SAXO1: variants seen among roughly 807,000 people sequenced by gnomAD.
The protein encoded by SAXO1 is 4930500O09Rik.
In SAXO1, 21 loss-of-function variants were observed where a neutral mutation model predicts 17.5. That is an observed-to-expected ratio of 1.20 (90% CI 0.85 to 1.72). The LOEUF is 1.72. SAXO1 is among the 40% of genes most tolerant of loss of function. SAXO1 has a pLI of 0.00. For missense variants in SAXO1, 843 were observed against 596.0 expected, an observed-to-expected ratio of 1.41 and a Z score of -4.32; for synonymous variants, 274 against 216.5, an observed-to-expected ratio of 1.27 and a Z score of -2.33.
upstream of SAXO1, among the ~76,000 whole-genome samples, chr9:19,034,194 C>T (rs1406969400): frequency 6.6e-6 from 1 of 152,176 alleles, no homozygotes; most frequent in African/African-American, 2.4e-5. Context: ...CTAACTCTTT[C>T]CATTCATTTT....
Position 19,000,794 on chromosome 9 carries a change from T to C in SAXO1, c.38+32077A>G, listed in dbSNP as rs555437745. On this transcript the variant is annotated intron_variant, in intron 1 of 3. Coordinates refer to ENST00000380534, the MANE Select transcript of SAXO1 (RefSeq NM_153707.4). ...AAAAGCAGGGGTTGCAATCCTGGTC[T>C]CTGATAAAACAGACTTTAAACCAAC... Among the ~76,000 whole-genome samples the C allele has an allele frequency of 1.8e-3, 271 of 152,332 alleles. 1 individual carries two copies. The highest frequency in any genetic ancestry group is 6.3e-3 in the African/African-American group (264 of 41,578).
At chr9:19,021,129 A>G (rs971591774) in intron 1 of SAXO1, among the ~76,000 whole-genome samples, 12 of 152,346 alleles carry the variant, frequency 7.9e-5, no homozygotes, top group Admixed American at 2.6e-4. Context: ...ATTAGACCAC[A>G]GGAGACAGCC....
intron 1 of SAXO1, among the ~76,000 whole-genome samples, chr9:19,039,103 C>T (rs1836014654): frequency 1.3e-5 from 2 of 151,708 alleles, no homozygotes; most frequent in African/African-American, 4.8e-5. Flanking sequence ...CCACTGCACT[C>T]CAGCCTGGGC....
At chr9:19,040,793 G>A (rs558471621) in intron 1 of SAXO1, among the ~76,000 whole-genome samples, 1 of 152,272 alleles carries the variant, frequency 6.6e-6, no homozygotes, top group East Asian at 1.9e-4. Flanking sequence ...CAGGGTAGAA[G>A]CAGAGATCAA....
chr9:18,978,296 A>G (rs571045162), intron 1 of SAXO1, among the ~76,000 whole-genome samples: 1 of 152,140 alleles, frequency 6.6e-6, no homozygotes, highest in Admixed American at 6.5e-5. Context: ...ACGCTTCCCA[A>G]AGCTCAACCT....
intron 1 of SAXO1, among the ~76,000 whole-genome samples, chr9:18,969,058 G>GTT (rs4007662): frequency 9.5e-5 from 14 of 147,484 alleles, no homozygotes; most frequent in African/African-American, 2.7e-4. Context: ...TCTTTTTGCA[G>GTT]TTTTTTTTTT....
intron 3 of SAXO1, among the ~76,000 whole-genome samples, chr9:18,937,496 A>C (rs768883631): frequency 6.6e-6 from 1 of 152,158 alleles, no homozygotes; most frequent in Non-Finnish European, 1.5e-5. Flanking sequence ...GAACAAACAA[A>C]CCACTTCAAT....
chr9:18,965,764 T>G (rs1415419953), intron 1 of SAXO1, among the ~76,000 whole-genome samples: 1 of 152,218 alleles, frequency 6.6e-6, no homozygotes, highest in Non-Finnish European at 1.5e-5. Context: ...AATATTGTTA[T>G]GTGTGAATTT....
chr9:18,951,341 G>T (rs1222270826), intron 1 of SAXO1, among the ~76,000 whole-genome samples: 1 of 152,124 alleles, frequency 6.6e-6, no homozygotes, highest in Non-Finnish European at 1.5e-5. Flanking sequence ...ACCTAACAGG[G>T]TGCTCCAAGG....
intron 3 of SAXO1, among the ~76,000 whole-genome samples, chr9:18,936,609 C>A (rs1229898193): frequency 6.6e-6 from 1 of 152,172 alleles, no homozygotes; most frequent in Non-Finnish European, 1.5e-5. Context: ...GCATTTATTA[C>A]CAAAAACCTC....
At chr9:19,038,246 C>G (rs368925540), upstream of SAXO1, among the ~76,000 whole-genome samples, 724 of 152,236 alleles carry the variant, frequency 4.8e-3, 6 homozygotes, top group African/African-American at 0.016. Flanking sequence ...ACCCAGCCAT[C>G]CCATTACTGG....
intron 1 of SAXO1, among the ~76,000 whole-genome samples, chr9:19,024,527 G>A (rs927968830): frequency 1.3e-5 from 2 of 152,060 alleles, no homozygotes; most frequent in Admixed American, 6.5e-5. Context: ...ACACCAACAT[G>A]GCACATGTAT....
chr9:18,970,916 C>T (rs183371486), intron 1 of SAXO1, among the ~76,000 whole-genome samples: 26 of 152,234 alleles, frequency 1.7e-4, no homozygotes, highest in African/African-American at 5.3e-4. Context: ...TCTTAGCCTC[C>T]GTGTCAGGTT....
chr9:18,963,550 C>A (rs1420728353), intron 1 of SAXO1, among the ~76,000 whole-genome samples: 1 of 152,126 alleles, frequency 6.6e-6, no homozygotes, highest in East Asian at 1.9e-4. Flanking sequence ...GTTTTTTATT[C>A]TCTTCGTAGC....
chr9:19,030,885 A>T (rs7851336), intron 1 of SAXO1, among the ~76,000 whole-genome samples: 24 of 151,954 alleles, frequency 1.6e-4, no homozygotes, highest in African/African-American at 4.4e-4. Context: ...GGATCACCAA[A>T]GCACTTTGAG....
rs200980880 is a variant in SAXO1 at position 18,941,850 on chromosome 9, G to T, written c.219-11C>A. 1.1e-3 allele frequency: 1,741 copies of T among 1,613,918 alleles called. 1 individual carries two copies. Among genetic ancestry groups the T allele is most frequent in the Non-Finnish European group, 1.3e-3 (1,491 of 1,179,806 alleles). On this transcript the variant is annotated splice_polypyrimidine_tract_variant and intron_variant, in intron 2 of 3. Transcript: ENST00000380534. ...GGCCCAAAATCTCTCCTGTAAGGAA[G>T]CAAGTGCATGCTGTTGGGGTCCTTG... is the stretch of plus-strand genomic sequence containing the variant.
intron 1 of SAXO1, among the ~76,000 whole-genome samples, chr9:19,019,674 G>A (rs1320923384): frequency 2.6e-5 from 4 of 152,110 alleles, no homozygotes; most frequent in Admixed American, 2.0e-4. Context: ...AGGTTGCAAT[G>A]AGCCCAGACG....
chr9:19,043,293 C>T (rs1256952804), intron 1 of SAXO1, among the ~76,000 whole-genome samples: 1 of 152,146 alleles, frequency 6.6e-6, no homozygotes, highest in African/African-American at 2.4e-5. Flanking sequence ...ATAAGCCAGG[C>T]ACAGAAAGAC....
chr9:18,941,802 C>T lies in SAXO1; in HGVS notation c.256G>A (p.Val86Ile), dbSNP rs767141622. ...FGPHKVAPVKVHQYDQFVPSE... is the reference protein window; with the variant it reads ...FGPHKVAPVKIHQYDQFVPSE... The stretch of plus-strand genomic sequence containing the variant: ...GGGACGAACTGGTCATACTGGTGGA[C>T]CTTCACTGGTGCCACTTTGTGAGGC... Residue 86 changes from valine (V) to isoleucine (I), a missense_variant, in exon 3 of 4, where the codon GTC becomes ATC. Val to Ile is a conservative substitution (Grantham distance 29, BLOSUM62 3). Transcript: ENST00000380534. 4 of 1,614,066 alleles carry T rather than the reference C, an allele frequency of 2.5e-6. No individual in the cohort carries two copies. The African/African-American group carries it at 4.0e-5, about 16-fold the overall frequency.
Sources: allele counts gnomAD v4.1 joint callset (sites outside exome capture counted in the v4.1 genomes callset), GRCh38; gene constraint gnomAD v4.1.1; transcripts MANE v1.5; gene names NCBI Gene and HGNC (gene_info 2026-07-23, HGNC 2026-07-21).